The following CELF2 variants were observed in gnomAD, a reference collection of about 807,000 sequenced individuals.
CELF2 encodes the protein CUG triplet repeat RNA-binding protein 2.
A neutral mutation model predicts 62.6 loss-of-function variants in CELF2; 8 were observed. The ratio of observed to expected loss-of-function variants is 0.13; its 90% CI spans 0.07 to 0.23. The LOEUF (loss-of-function observed/expected upper bound fraction) is 0.23, where lower values mean the gene tolerates loss of function less well. Among genes scored for constraint, CELF2 ranks in the 10% least tolerant of loss-of-function variants. CELF2 has a pLI of 1.00. For missense variants in CELF2, 333 were observed against 671.0 expected (o/e 0.50, Z 5.56); for synonymous variants, 258 against 250.0 (o/e 1.03, Z -0.30).
At chr10:11,202,977 C>G (rs74857855) in intron 2 of CELF2, among the ~76,000 whole-genome samples, 2,875 of 141,666 alleles carry the variant, frequency 0.02, 110 homozygotes, top group African/African-American at 0.071. Context: ...GTGTGTAATC[C>G]AAACAGGCAT....
intron 2 of CELF2, among the ~76,000 whole-genome samples, chr10:11,216,705 C>T (rs566935630): frequency 1.3e-5 from 2 of 152,318 alleles, no homozygotes; most frequent in African/African-American, 4.8e-5. Flanking sequence ...CGCGGAAGGG[C>T]CGGGGACTCC....
intron 1 of CELF2, among the ~76,000 whole-genome samples, chr10:11,080,941 T>A (rs2073860778): frequency 6.6e-6 from 1 of 152,224 alleles, no homozygotes; most frequent in Non-Finnish European, 1.5e-5. Flanking sequence ...CTGCTTCTGG[T>A]TTTACTTTCT....
chr10:10,825,135 C>G (rs2132069296), intron 1 of CELF2, among the ~76,000 whole-genome samples: 1 of 152,298 alleles, frequency 6.6e-6, no homozygotes. Context: ...GAGCTCCAGC[C>G]TCCCTGTCTG....
the CELF2 span, among the ~76,000 whole-genome samples, chr10:10,543,313 T>TA: frequency 1.1e-3 from 159 of 151,332 alleles, no homozygotes; most frequent in Admixed American, 1.8e-3. Context: ...CCGTCTAAGC[T>TA]AAAAAAAAGC....
At chr10:10,563,447 T>G in the CELF2 span, among the ~76,000 whole-genome samples, 8 of 151,896 alleles carry the variant, frequency 5.3e-5, no homozygotes, top group Non-Finnish European at 7.4e-5. Context: ...CCGTCTCTAC[T>G]AAAACTACAA....
chr10:10,813,015 A>T (rs1221372770), intron 1 of CELF2, among the ~76,000 whole-genome samples: 1 of 152,222 alleles, frequency 6.6e-6, no homozygotes, highest in Non-Finnish European at 1.5e-5. Context: ...TTCCCATCGG[A>T]TCCCGAATCC....
chr10:11,248,034 G>T (rs1219204705), intron 3 of CELF2, among the ~76,000 whole-genome samples: 1 of 152,206 alleles, frequency 6.6e-6, no homozygotes, highest in East Asian at 1.9e-4. Flanking sequence ...ATTGAAATTA[G>T]ATAAAACCCA....
At chr10:10,880,285 C>T (rs550125640) in intron 1 of CELF2, among the ~76,000 whole-genome samples, 2 of 152,278 alleles carry the variant, frequency 1.3e-5, no homozygotes, top group African/African-American at 2.4e-5. Context: ...CTTAGATTTT[C>T]TCCCATGCCT....
intron 11 of CELF2, among the ~76,000 whole-genome samples, chr10:11,322,380 A>G (rs1036598753): frequency 1.3e-5 from 2 of 152,232 alleles, no homozygotes; most frequent in African/African-American, 4.8e-5. Flanking sequence ...AATGAAAGCT[A>G]ATTATGAAAT....
chr10:11,011,239 A>G lies in CELF2; in HGVS notation c.53+5799A>G, dbSNP rs1177909362. 1 of 152,068 alleles carries G rather than the reference A, an allele frequency of 6.6e-6. No individual in the cohort carries two copies. The highest frequency in any genetic ancestry group is 1.5e-5 in the Non-Finnish European group (1 of 68,002). 9.4% of individuals were successfully genotyped at this position (152,068 alleles called of 1,614,324 possible). On this transcript the variant is annotated intron_variant, in intron 1 of 12. Transcript: ENST00000416382. This position sits in a 1 kb window ranked among gnomAD's most constrained non-coding sequence, Gnocchi z 4.6. ...ATAGGTCATACGGCAATGAAAACCAAGCAAGTAACAAACATACATGCAGTG... is the reference window on the plus strand; with the variant it reads ...ATAGGTCATACGGCAATGAAAACCAGGCAAGTAACAAACATACATGCAGTG...
chr10:11,152,243 T>A (rs1305955234), intron 1 of CELF2, among the ~76,000 whole-genome samples: 2 of 152,106 alleles, frequency 1.3e-5, no homozygotes, highest in Non-Finnish European at 1.5e-5. Flanking sequence ...TGGACCAAGT[T>A]TGGACAGAAA....
chr10:10,948,782 T>C (rs2047979582), intron 2 of CELF2, among the ~76,000 whole-genome samples: 1 of 152,194 alleles, frequency 6.6e-6, no homozygotes, highest in African/African-American at 2.4e-5. Context: ...ATCATGTTTT[T>C]ACGTTCTAAA....
At chr10:11,118,736 C>T (rs1200645036) in intron 1 of CELF2, among the ~76,000 whole-genome samples, 1 of 152,162 alleles carries the variant, frequency 6.6e-6, no homozygotes, top group Non-Finnish European at 1.5e-5. Flanking sequence ...TGTCTTAGCT[C>T]ATCCTGTACA....
chr10:10,895,136 T>G (rs960213942), intron 1 of CELF2, among the ~76,000 whole-genome samples: 3 of 152,196 alleles, frequency 2.0e-5, no homozygotes, highest in Non-Finnish European at 4.4e-5. Flanking sequence ...AGCTGATAGA[T>G]ACGTTAGAGT....
At chr10:10,602,743 G>GCT in the CELF2 span, among the ~76,000 whole-genome samples, 1 of 151,866 alleles carries the variant, frequency 6.6e-6, no homozygotes, top group Non-Finnish European at 1.5e-5. Context: ...GAGCATACAT[G>GCT]CATTTCTAAA....
chr10:11,026,876 T>G (rs868142208), intron 1 of CELF2, among the ~76,000 whole-genome samples: 2 of 152,190 alleles, frequency 1.3e-5, no homozygotes, highest in African/African-American at 2.4e-5. Context: ...TTCTGCGCAT[T>G]GAACTGTATT....
intron 1 of CELF2, among the ~76,000 whole-genome samples, chr10:10,872,400 G>A (rs757614105): frequency 2.0e-5 from 3 of 152,208 alleles, no homozygotes; most frequent in Admixed American, 6.5e-5. Flanking sequence ...CACTGCTGAA[G>A]TTCAAAGAAA....
At chr10:11,327,169 A>G (rs1410288443) in intron 12 of CELF2, among the ~76,000 whole-genome samples, 1 of 116,094 alleles carries the variant, frequency 8.6e-6, no homozygotes, top group Non-Finnish European at 1.6e-5. Flanking sequence ...TTCAGTAGAG[A>G]GGGATATGCA....
At chr10:11,042,779 T>C (rs540772177) in intron 1 of CELF2, among the ~76,000 whole-genome samples, 2 of 152,296 alleles carry the variant, frequency 1.3e-5, no homozygotes, top group African/African-American at 4.8e-5. Flanking sequence ...TTCACAGAAA[T>C]GTAATTGTAT....
Sources: allele counts gnomAD v4.1 joint callset (sites outside exome capture counted in the v4.1 genomes callset), GRCh38; gene constraint gnomAD v4.1.1; non-coding constraint Gnocchi (gnomAD v3.1); transcripts MANE v1.5; gene names NCBI Gene and HGNC (gene_info 2026-07-23, HGNC 2026-07-21).